GSTO1: variants seen among roughly 807,000 people sequenced by gnomAD.
GSTO1 encodes glutathione S-transferase omega 1, also known as glutathione S-transferase omega-1.
A neutral mutation model predicts 23.8 loss-of-function variants in GSTO1; 27 were observed. That is an observed-to-expected ratio of 1.13 (90% CI 0.83 to 1.56). The LOEUF (loss-of-function observed/expected upper bound fraction) is 1.56. Ranked by LOEUF, GSTO1 falls within the 40% of genes most tolerant of loss-of-function variation. The pLI is 0.00. For missense variants in GSTO1, 255 were observed against 285.8 expected, an observed-to-expected ratio of 0.89 and a Z score of 0.78; for synonymous variants, 105 against 109.3, an observed-to-expected ratio of 0.96 and a Z score of 0.25.
intron 3 of GSTO1, among the ~76,000 whole-genome samples, chr10:104,261,423 C>G (rs1048775271): frequency 1.3e-5 from 2 of 152,150 alleles, no homozygotes; most frequent in African/African-American, 4.8e-5. Context: ...TACCCCACCC[C>G]ACACACCTGG....
chr10:104,261,716 C>T (rs1401406069), intron 3 of GSTO1, among the ~76,000 whole-genome samples: 1 of 152,180 alleles, frequency 6.6e-6, no homozygotes, highest in Non-Finnish European at 1.5e-5. Flanking sequence ...GCCTGAAAGC[C>T]TTCAGTCCCA....
intron 4 of GSTO1, among the ~76,000 whole-genome samples, chr10:104,265,780 C>CT (rs1353681807): frequency 2.0e-5 from 3 of 152,058 alleles, no homozygotes; most frequent in African/African-American, 7.2e-5. Context: ...TGCTATTTTT[C>CT]TTACTGATTC....
intron 2 of GSTO1, 34 bp downstream of exon 2, chr10:104,255,305 G>C: frequency 7.0e-7 from 1 of 1,423,460 alleles, no homozygotes. Context: ...TCCCCGAGCC[G>C]TCCGGGAGCC....
rs376001644 is a variant in GSTO1, at chr10:104,266,235, G to C, written c.572+45G>C. 2.4e-5 allele frequency: 24 copies of C among 1,011,240 alleles called. No homozygotes were observed. In the African/African-American group the frequency reaches 3.5e-4, roughly 15 times the overall value. The allele number at this position is 1,011,240 out of a possible 1,614,324, so 62.6% of individuals were successfully genotyped here. ...TGTGCATAATTTAGGATGACAGGTG[G>C]AATAGTATATATTGACCTTTCTTTA... On this transcript the variant is annotated intron_variant, in intron 5 of 5. Transcript: ENST00000369713.
At chr10:104,260,552 C>T (rs2011130396) in intron 3 of GSTO1, among the ~76,000 whole-genome samples, 1 of 152,172 alleles carries the variant, frequency 6.6e-6, no homozygotes, top group Admixed American at 6.5e-5. Context: ...GAATAAATAG[C>T]AATCCTGTAG....
chr10:104,265,657 T>G (rs2011173200), intron 4 of GSTO1, among the ~76,000 whole-genome samples: 2 of 152,224 alleles, frequency 1.3e-5, no homozygotes, highest in Admixed American at 1.3e-4. Flanking sequence ...TTGGTTTTAA[T>G]TTGCATTTCC....
chr10:104,260,930 T>C (rs1313993015), intron 3 of GSTO1, among the ~76,000 whole-genome samples: 2 of 152,122 alleles, frequency 1.3e-5, no homozygotes, highest in African/African-American at 2.4e-5. Context: ...TCAAGAACGA[T>C]GTGGGAGAGT....
At chr10:104,263,516 A>G in intron 4 of GSTO1, among the ~76,000 whole-genome samples, 1 of 152,110 alleles carries the variant, frequency 6.6e-6, no homozygotes, top group South Asian at 2.1e-4. Context: ...AATATTTCCC[A>G]CCAGAAAAAG....
At position 104,255,549 on chromosome 10, in the gene GSTO1, G is replaced by A. The variant is rs148348428; in HGVS notation, c.143+278G>A. ...CTCCAGTGATGTTAGTGATTTGCCC[G>A]GTAATAACCGGCAGCAGCTCTTTTA... On this transcript the variant is annotated intron_variant, in intron 2 of 5. Transcript: ENST00000369713. 3.8e-3 allele frequency among the ~76,000 whole-genome samples: 583 copies of A among 152,312 alleles called. 1 individual carries two copies. Among genetic ancestry groups the A allele is most frequent in the Non-Finnish European group, 6.4e-3 (435 of 68,024 alleles).
chr10:104,266,757 G>T (rs1392150341), intron 5 of GSTO1, among the ~76,000 whole-genome samples: 1 of 151,850 alleles, frequency 6.6e-6, no homozygotes, highest in South Asian at 2.1e-4. Context: ...ATTCCATAAG[G>T]TTGTAAATTT....
chr10:104,259,896 A>C, intron 3 of GSTO1, 98 bp downstream of exon 3: 1 of 766,270 alleles, frequency 1.3e-6, no homozygotes, highest in Non-Finnish European at 2.2e-6. Flanking sequence ...GGAGAGAAAA[A>C]CAAAACAGGA....
Position 104,259,729 on chromosome 10 carries a change from G to A in GSTO1, c.297G>A (p.Gly99=). 4.3e-6 allele frequency: 7 copies of A among 1,613,828 alleles called. No homozygotes were observed. The highest frequency in any genetic ancestry group is 5.9e-6 in the Non-Finnish European group (7 of 1,179,722). Residue 99 remains glycine, a synonymous_variant, in exon 3 of 6, where the codon GGG becomes GGA. Coordinates refer to ENST00000369713, the MANE Select transcript of GSTO1 (RefSeq NM_004832.3). ...TCEYLDEAYP[G]KKLLPDDPYE... ...AGTACCTGGATGAAGCATACCCAGG[G>A]AAGAAGCTGTTGCCGGATGACCCCT...
At chr10:104,266,307 G>T in intron 5 of GSTO1, 117 bp downstream of exon 5, 1 of 602,900 alleles carries the variant, frequency 1.7e-6, no homozygotes, top group Non-Finnish European at 3.0e-6. Context: ...ATGAGAACAA[G>T]CAGACAGGGG....
chr10:104,259,487 C>G, intron 2 of GSTO1, 89 bp from the exon 3 acceptor site: 1 of 765,986 alleles, frequency 1.3e-6, no homozygotes, highest in East Asian at 2.7e-5. Context: ...GGGGTCTGAT[C>G]AGCTAAGTGG....
intron 4 of GSTO1, 29 bp downstream of exon 4, chr10:104,263,106 G>C (rs761969408): frequency 2.2e-6 from 2 of 897,860 alleles, no homozygotes; most frequent in Admixed American, 4.0e-5. Flanking sequence ...TATCATCAGA[G>C]TAAACGATAA....
In GSTO1 at chr10:104,255,157, C is replaced by G; in HGVS notation, c.35-6C>G. 6.2e-7 allele frequency: 1 copy of G among 1,608,360 alleles called. No individual in the cohort carries two copies. The highest frequency in any genetic ancestry group is 1.3e-5 in the African/African-American group (1 of 74,948). Reference sequence around the variant, plus strand: ...GGCCGTAATCGCCTTCGCTTCTCCCCGGCAGGAAGCGCGCCCCCGGGGCCG... The same window carrying G: ...GGCCGTAATCGCCTTCGCTTCTCCCGGGCAGGAAGCGCGCCCCCGGGGCCG... On this transcript the variant is annotated splice_polypyrimidine_tract_variant and splice_region_variant and intron_variant, in intron 1 of 5. Transcript: ENST00000369713.
At chr10:104,264,379 G>C (rs1032377583) in intron 4 of GSTO1, among the ~76,000 whole-genome samples, 2 of 151,974 alleles carry the variant, frequency 1.3e-5, no homozygotes, top group East Asian at 1.9e-4. Context: ...TTTAGTAGTA[G>C]ACAGAACACA....
chr10:104,260,881 G>A (rs572853401), intron 3 of GSTO1, among the ~76,000 whole-genome samples: 3 of 152,246 alleles, frequency 2.0e-5, no homozygotes, highest in African/African-American at 7.2e-5. Flanking sequence ...TAGTAGAGGC[G>A]GCTGCTGTGA....
chr10:104,263,115 A>G (rs756642654), intron 4 of GSTO1, 38 bp downstream of exon 4: 1 of 817,068 alleles, frequency 1.2e-6, no homozygotes, highest in South Asian at 1.5e-5. Flanking sequence ...AGTAAACGAT[A>G]ACTATATCTA....
Sources: gnomAD v4.1 joint callset for allele counts (sites outside exome capture counted in the v4.1 genomes callset) on GRCh38, gnomAD v4.1.1 for gene constraint, MANE v1.5 for transcripts, NCBI Gene and HGNC (gene_info 2026-07-23, HGNC 2026-07-21) for gene names.